The following SPECC1L variants were observed in gnomAD, a reference collection of about 807,000 sequenced individuals.
SPECC1L encodes the protein sperm antigen with calponin homology and coiled-coil domains 1 like.
In SPECC1L, 40 loss-of-function variants were observed where a neutral mutation model predicts 116.8. The observed-to-expected ratio is 0.34, with a 90% CI of 0.27 to 0.45. SPECC1L has a LOEUF of 0.45. Ranked by LOEUF, SPECC1L falls within the 20% of genes least tolerant of loss-of-function variation. The pLI is 1.00. For missense variants in SPECC1L, 1,110 were observed against 1,373.6 expected (o/e 0.81, Z 3.03); for synonymous variants, 504 against 500.6 (o/e 1.01, Z -0.09).
chr22:24,342,279 A>G (rs2041192403), intron 10 of SPECC1L, among the ~76,000 whole-genome samples: 1 of 152,246 alleles, frequency 6.6e-6, no homozygotes, highest in African/African-American at 2.4e-5. Flanking sequence ...GAACGGATAG[A>G]AATGATAGGA....
chr22:24,318,832 G>A (rs191186453), intron 4 of SPECC1L, among the ~76,000 whole-genome samples: 1 of 152,020 alleles, frequency 6.6e-6, no homozygotes, highest in Admixed American at 6.5e-5. Flanking sequence ...GGGTGGCTGA[G>A]GTGGGAGGAT....
chr22:24,324,191 T>C (rs2146486302), intron 5 of SPECC1L, 29 bp from the exon 6 acceptor site: 1 of 1,595,246 alleles, frequency 6.3e-7, no homozygotes, highest in East Asian at 2.2e-5. Flanking sequence ...TCTTAACTTT[T>C]CTAAATCTGC....
intron 14 of SPECC1L, among the ~76,000 whole-genome samples, chr22:24,392,913 T>C (rs2042298931): frequency 6.6e-6 from 1 of 152,344 alleles, no homozygotes; most frequent in East Asian, 1.9e-4. Context: ...TCACTAGACC[T>C]GTGGCCAGAG....
At chr22:24,322,956 T>C (rs201492956) in intron 5 of SPECC1L, 38 bp downstream of exon 5, 8 of 1,611,632 alleles carry the variant, frequency 5.0e-6, no homozygotes, top group Middle Eastern at 1.6e-4. Context: ...CGGACAGCAT[T>C]AGGCAGCTGC....
At chr22:24,278,012 C>T (rs1428657167) in intron 2 of SPECC1L, among the ~76,000 whole-genome samples, 5 of 152,158 alleles carry the variant, frequency 3.3e-5, no homozygotes, top group African/African-American at 1.2e-4. Flanking sequence ...GAGGATTCCA[C>T]GTTCTCCACT....
intron 9 of SPECC1L, among the ~76,000 whole-genome samples, chr22:24,337,218 T>C (rs1029382092): frequency 6.6e-6 from 1 of 152,156 alleles, no homozygotes; most frequent in Non-Finnish European, 1.5e-5. Flanking sequence ...ATAAACAAAA[T>C]GTGGTATATT....
intron 14 of SPECC1L, among the ~76,000 whole-genome samples, chr22:24,400,356 A>G (rs1601351083): frequency 6.6e-6 from 1 of 152,218 alleles, no homozygotes; most frequent in Admixed American, 6.5e-5. Flanking sequence ...TTCACTTACC[A>G]TAATGTTTCA....
chr22:24,402,174 C>G (rs1460809474), intron 14 of SPECC1L, among the ~76,000 whole-genome samples: 1 of 148,704 alleles, frequency 6.7e-6, no homozygotes, highest in Non-Finnish European at 1.5e-5. Context: ...CTCCCCTCCC[C>G]TGACCTGGAG....
Position 24,350,515 on chromosome 22 carries a change from T to C in SPECC1L, c.2743+3339T>C, listed in dbSNP as rs536916105. On this transcript the variant is annotated intron_variant, in intron 11 of 16. Coordinates refer to ENST00000314328, the MANE Select transcript of SPECC1L (RefSeq NM_015330.6). The stretch of plus-strand genomic sequence containing the variant: ...ATTTTATTACTATATGTGTGAACTT[T>C]TTCTGAGTAGCACAAGTGGCTGAGA... Among the ~76,000 whole-genome samples, 9 of 152,294 alleles carry C rather than the reference T, an allele frequency of 5.9e-5. No individual in the cohort carries two copies. In the South Asian group the frequency reaches 1.7e-3, roughly 28 times the overall value.
At chr22:24,283,452 C>A (rs906006538) in intron 2 of SPECC1L, among the ~76,000 whole-genome samples, 1 of 152,182 alleles carries the variant, frequency 6.6e-6, no homozygotes, top group Non-Finnish European at 1.5e-5. Context: ...GATATATTAT[C>A]CTTTTTTTCT....
chr22:24,325,555 A>G (rs1475938243), intron 6 of SPECC1L, among the ~76,000 whole-genome samples: 2 of 150,738 alleles, frequency 1.3e-5, no homozygotes, highest in East Asian at 3.9e-4. Flanking sequence ...TTATTTATTT[A>G]TTTATTTATT....
intron 4 of SPECC1L, among the ~76,000 whole-genome samples, chr22:24,320,457 A>T (rs948832243): frequency 1.3e-5 from 2 of 152,194 alleles, no homozygotes; most frequent in African/African-American, 4.8e-5. Flanking sequence ...TTACATTTAG[A>T]GAGACAGTAT....
At chr22:24,402,391 T>C (rs1029206319) in intron 14 of SPECC1L, among the ~76,000 whole-genome samples, 10 of 152,036 alleles carry the variant, frequency 6.6e-5, no homozygotes, top group Non-Finnish European at 1.2e-4. Context: ...TTTTTTACTC[T>C]CTTTCAGACA....
intron 14 of SPECC1L, among the ~76,000 whole-genome samples, chr22:24,411,216 C>CA (rs200896076): frequency 5.6e-5 from 7 of 124,222 alleles, no homozygotes; most frequent in African/African-American, 1.8e-4. Flanking sequence ...AAACAAAAAA[C>CA]AAAAAAGGGG....
intron 14 of SPECC1L, among the ~76,000 whole-genome samples, chr22:24,396,448 C>G (rs1043651863): frequency 6.6e-6 from 1 of 152,070 alleles, no homozygotes; most frequent in African/African-American, 2.4e-5. Flanking sequence ...CAGGCGTCTG[C>G]CACCACGCCC....
At chr22:24,373,052 G>A (rs1167268167) in intron 14 of SPECC1L, among the ~76,000 whole-genome samples, 1 of 152,096 alleles carries the variant, frequency 6.6e-6, no homozygotes, top group East Asian at 1.9e-4. Context: ...AAAATACCTA[G>A]GAATGCAACT....
chr22:24,317,966 C>T (rs1285908635), intron 4 of SPECC1L, among the ~76,000 whole-genome samples: 2 of 150,200 alleles, frequency 1.3e-5, no homozygotes, highest in South Asian at 2.1e-4. Flanking sequence ...GATGGGATGG[C>T]GGCCGGGAAG....
intron 3 of SPECC1L, among the ~76,000 whole-genome samples, chr22:24,312,672 A>G (rs2146440249): frequency 6.6e-6 from 1 of 152,270 alleles, no homozygotes; most frequent in South Asian, 2.1e-4. Flanking sequence ...TTTAAGGCTC[A>G]TGTTTTTTAA....
chr22:24,413,133 G>A (rs2042732730), intron 16 of SPECC1L, among the ~76,000 whole-genome samples: 1 of 152,218 alleles, frequency 6.6e-6, no homozygotes, highest in Non-Finnish European at 1.5e-5. Context: ...GGGCAAGGCA[G>A]CTCTCAGCCA....
Sources: allele counts gnomAD v4.1 joint callset (sites outside exome capture counted in the v4.1 genomes callset), GRCh38; gene constraint gnomAD v4.1.1; transcripts MANE v1.5; gene names NCBI Gene and HGNC (gene_info 2026-07-23, HGNC 2026-07-21).